The following DDX28 variants were observed in gnomAD, a reference collection of about 807,000 sequenced individuals.
DDX28 encodes probable ATP-dependent RNA helicase DDX28.
A neutral mutation model predicts 26.8 loss-of-function variants in DDX28; 25 were observed. The ratio of observed to expected loss-of-function variants is 0.93; its 90% CI spans 0.68 to 1.30. The LOEUF is 1.30. Ranked by LOEUF, DDX28 falls within the 50% of genes most tolerant of loss-of-function variation. DDX28 has a pLI of 0.00. For missense variants in DDX28, 790 were observed against 695.1 expected (o/e 1.14, Z -1.53); for synonymous variants, 370 against 311.9 (o/e 1.19, Z -1.96).
rs1250038108 is a variant in DDX28, at chr16:68,023,116, G to A, written c.87C>T (p.Pro29=). The change falls in exon 1 of 1, where the codon CCC becomes CCT. Residue 29 remains proline, a synonymous_variant. Transcript: ENST00000332395. The part of the protein sequence containing the change: ...APRRGLTVRS[P]DEPLPVVRIP... ...TGCGCACCACCGGCAGGGGTTCGTCGGGACTGCGGACCGTGAGGCCCCGTC... is the reference window on the plus strand; with the variant it reads ...TGCGCACCACCGGCAGGGGTTCGTCAGGACTGCGGACCGTGAGGCCCCGTC... 1.2e-6 allele frequency: 2 copies of A among 1,603,988 alleles called. No homozygotes were observed. Among genetic ancestry groups the A allele is most frequent in the African/African-American group, 2.7e-5 (2 of 74,922 alleles).
chr16:68,023,068 C>T lies in DDX28; in HGVS notation c.135G>A (p.Gln45=), dbSNP rs2033279521. ...GCCGCCTGCTCTGCCGCTGTTCCAA[C>T]TGCCGCTGTAGAGCCACTGGGATGC... ...VVRIPVALQR[Q]LEQRQSRRRN... is the part of the protein sequence containing the mutation. Residue 45 remains glutamine, a synonymous_variant, in exon 1 of 1, where the codon CAG becomes CAA. Transcript: ENST00000332395. The T allele has an allele frequency of 1.2e-6, 2 of 1,600,224 alleles. No individual in the cohort carries two copies. Among genetic ancestry groups the T allele is most frequent in the Non-Finnish European group, 8.5e-7 (1 of 1,179,522 alleles).
rs754371841 is a variant in DDX28, at chr16:68,022,124, C to T, written c.1079G>A (p.Cys360Tyr). 6.2e-7 allele frequency: 1 copy of T among 1,614,096 alleles called. No individual in the cohort carries two copies. The highest frequency in any genetic ancestry group is 1.3e-5 in the African/African-American group (1 of 74,932). The change falls in exon 1 of 1, where the codon TGT (cysteine) becomes TAT (tyrosine). Residue 360 changes from cysteine to tyrosine, a missense_variant. Physicochemically the swap from Cys to Tyr is radical, Grantham distance 194. Transcript: ENST00000332395. ...TGTCTGTTTCACATGAGGCATGATA[C>T]AGTGGAGCTTGGAGCTGGTGATGGT... ...VTTITSSKLH[C>Y]IMPHVKQTFL...
chr16:68,021,857 T>C lies in DDX28; in HGVS notation c.1346A>G (p.Asp449Gly). ...GGCTATGTCTGTGCAGAGAAGTATG[T>C]CTCGGGAGCTCTTCTGGAAGGACTG... ...IFQSFQKSSR[D>G]ILLCTDIASR... Residue 449 changes from aspartate (D) to glycine (G), a missense_variant, in exon 1 of 1, where the codon GAC becomes GGC. Coordinates refer to ENST00000332395, the MANE Select transcript of DDX28 (RefSeq NM_018380.4). 6.2e-7 allele frequency: 1 copy of C among 1,614,172 alleles called. No individual in the cohort carries two copies. The highest frequency in any genetic ancestry group is 8.5e-7 in the Non-Finnish European group (1 of 1,180,036).
Position 68,022,498 on chromosome 16 carries a change from C to A in DDX28, c.705G>T (p.Arg235=), listed in dbSNP as rs766522657. The part of the protein sequence containing the change: ...PLGRSLGLLV[R]DLEGGHGMRR... ...GCATGCCGTGGCCTCCCTCCAGGTC[C>A]CGCACCAGCAGGCCCAAGGAGCGGC... Residue 235 remains arginine (R), a synonymous_variant, in exon 1 of 1, where the codon CGG becomes CGT. Transcript: ENST00000332395. The A allele has an allele frequency of 3.1e-6, 5 of 1,613,792 alleles. No individual in the cohort carries two copies. The South Asian group carries it at 5.5e-5, about 18-fold the overall frequency.
In DDX28 at chr16:68,023,151, G is replaced by T. The variant is rs764262500; in HGVS notation, c.52C>A (p.Leu18Met). Residue 18 changes from leucine (L) to methionine (M), a missense_variant, in exon 1 of 1, where the codon CTG becomes ATG. Coordinates refer to ENST00000332395, the MANE Select transcript of DDX28 (RefSeq NM_018380.4). ...ACCGTGAGGCCCCGTCGCGGCGCCAGGAGCAACCGAGTCACGAGGGAAAAG... is the reference window on the plus strand; with the variant it reads ...ACCGTGAGGCCCCGTCGCGGCGCCATGAGCAACCGAGTCACGAGGGAAAAG... ...RLFSLVTRLL[L>M]APRRGLTVRS... 2 of 1,607,610 alleles carry T rather than the reference G, an allele frequency of 1.2e-6. No individual in the cohort carries two copies. The highest frequency in any genetic ancestry group is 2.7e-5 in the African/African-American group (2 of 74,928).
At position 68,022,036 on chromosome 16, in the gene DDX28, G is replaced by C; in HGVS notation, c.1167C>G (p.Asp389Glu). ...AELVHILKHRDRAERTGPSGT... is the reference protein window; with the variant it reads ...AELVHILKHRERAERTGPSGT... ...CTGAGGGACCAGTCCTTTCTGCTCT[G>C]TCACGATGCTTGAGGATGTGCACCA... The change falls in exon 1 of 1, where the codon GAC (aspartate) becomes GAG (glutamate). Residue 389 changes from aspartate to glutamate, a missense_variant. By Grantham distance (45) the Asp-to-Glu change is conservative (BLOSUM62 2). Transcript: ENST00000332395. The C allele has an allele frequency of 6.2e-7, 1 of 1,614,204 alleles. No individual in the cohort carries two copies. Among genetic ancestry groups the C allele is most frequent in the Non-Finnish European group, 8.5e-7 (1 of 1,180,040 alleles).
rs369716802 is a variant in DDX28 at position 68,022,822 on chromosome 16, G to A, written c.381C>T (p.Ser127=). Residue 127 remains serine (S), a synonymous_variant, in exon 1 of 1, where the codon AGC becomes AGT. Transcript: ENST00000332395. ...PAVRKLSSKG[S]FADLGLEPRV... Reference sequence around the variant, plus strand: ...GGGGCTCCAGGCCCAGGTCAGCAAAGCTGCCCTTAGACGAGAGCTTTCGCA... The same window carrying A: ...GGGGCTCCAGGCCCAGGTCAGCAAAACTGCCCTTAGACGAGAGCTTTCGCA... The A allele has an allele frequency of 3.6e-5, 57 of 1,578,642 alleles. No homozygotes were observed. In the Middle Eastern group the frequency reaches 5.1e-4, roughly 14 times the overall value.
Position 68,021,420 on chromosome 16 carries a change from T to C in DDX28, c.*160A>G. ...TGCTCAGCAGCTTCTTCTCCAATGC[T>C]GGCCAGCAGCGTACCTTTCCAAGTC... On this transcript the variant is annotated 3_prime_UTR_variant, in exon 1 of 1. Coordinates refer to ENST00000332395, the MANE Select transcript of DDX28 (RefSeq NM_018380.4). The C allele has an allele frequency of 1.4e-6, 1 of 708,948 alleles. No individual in the cohort carries two copies. Among genetic ancestry groups the C allele is most frequent in the East Asian group, 2.7e-5 (1 of 36,730 alleles). 43.9% of individuals were successfully genotyped at this position (708,948 alleles called of 1,614,324 possible). A position where few individuals can be genotyped will look rare whatever the true frequency, so the allele number is the denominator to read the frequency against.
In DDX28 at chr16:68,022,147, G is replaced by A. The variant is rs752931661; in HGVS notation, c.1056C>T (p.Thr352=). ...NKVASPDAVT[T]ITSSKLHCIM... ...TACAGTGGAGCTTGGAGCTGGTGAT[G>A]GTGGTGACAGCATCTGGGCTGGCGA... The change falls in exon 1 of 1, where the codon ACC becomes ACT. Residue 352 remains threonine, a synonymous_variant. Transcript: ENST00000332395. 6.2e-7 allele frequency: 1 copy of A among 1,614,202 alleles called. No individual in the cohort carries two copies. The highest frequency in any genetic ancestry group is 1.1e-5 in the South Asian group (1 of 91,076).
rs773122606 is a variant in DDX28 at position 68,022,698 on chromosome 16, C to G, written c.505G>C (p.Val169Leu). Residue 169 changes from valine (V) to leucine (L), a missense_variant, in exon 1 of 1, where the codon GTT becomes CTT. Physicochemically the swap from Val to Leu is conservative, Grantham distance 32. Transcript: ENST00000332395. ...CCACTGCCGGTTTCTGCGGCGCAAA[C>G]GACATGGCGGCCGCGAAGTAGTGAG... is the stretch of plus-strand genomic sequence containing the variant. ...IPSLLRGRHV[V>L]CAAETGSGKT... 1 of 1,613,308 alleles carries G rather than the reference C, an allele frequency of 6.2e-7. No individual in the cohort carries two copies. Among genetic ancestry groups the G allele is most frequent in the Admixed American group, 1.7e-5 (1 of 60,012 alleles).
In DDX28 at chr16:68,022,562, T is replaced by C; in HGVS notation, c.641A>G (p.Glu214Gly). 1 of 1,613,930 alleles carries C rather than the reference T, an allele frequency of 6.2e-7. No homozygotes were observed. Among genetic ancestry groups the C allele is most frequent in the Non-Finnish European group, 8.5e-7 (1 of 1,180,004 alleles). ...CACAGCCCGCACCTGTTGGGCCAAT[T>C]CTCGGGAAGGAACAAGGACCAGGCC... ...PRGLVLVPSR[E>G]LAQQVRAVAQ... Residue 214 changes from glutamate (E) to glycine (G), a missense_variant, in exon 1 of 1, where the codon GAA becomes GGA. Transcript: ENST00000332395.
In DDX28 at chr16:68,023,135, C is replaced by T. The variant is rs1428805510; in HGVS notation, c.68G>A (p.Gly23Asp). The T allele has an allele frequency of 6.2e-7, 1 of 1,605,750 alleles. No homozygotes were observed. The highest frequency in any genetic ancestry group is 1.1e-5 in the South Asian group (1 of 91,052). The change falls in exon 1 of 1, where the codon GGC (glycine) becomes GAC (aspartate). Residue 23 changes from glycine to aspartate, a missense_variant. Gly to Asp is a moderately conservative substitution (Grantham distance 94). Coordinates refer to ENST00000332395, the MANE Select transcript of DDX28 (RefSeq NM_018380.4). ...VTRLLLAPRRGLTVRSPDEPL... is the reference protein window; with the variant it reads ...VTRLLLAPRRDLTVRSPDEPL... ...TTCGTCGGGACTGCGGACCGTGAGG[C>T]CCCGTCGCGGCGCCAGGAGCAACCG... is the stretch of plus-strand genomic sequence containing the variant.
chr16:68,021,497 C>A lies in DDX28; in HGVS notation c.*83G>T. Reference sequence around the variant, plus strand: ...GAGCCGACAGGGCAGCCCAGAGCCTCCCACTGACAAGTGTGGTCACCCACT... The same window carrying A: ...GAGCCGACAGGGCAGCCCAGAGCCTACCACTGACAAGTGTGGTCACCCACT... On this transcript the variant is annotated 3_prime_UTR_variant, in exon 1 of 1. Coordinates refer to ENST00000332395, the MANE Select transcript of DDX28 (RefSeq NM_018380.4). 1 of 1,475,642 alleles carries A rather than the reference C, an allele frequency of 6.8e-7. No individual in the cohort carries two copies. The highest frequency in any genetic ancestry group is 9.2e-7 in the Non-Finnish European group (1 of 1,086,846). The allele number at this position is 1,475,642 out of a possible 1,614,324, so 91.4% of individuals were successfully genotyped here. A position where few individuals can be genotyped will look rare whatever the true frequency, so the allele number is the denominator to read the frequency against.
Position 68,022,764 on chromosome 16 carries a change from C to A in DDX28, c.439G>T (p.Glu147Ter). The A allele has an allele frequency of 6.2e-7, 1 of 1,611,524 alleles. No individual in the cohort carries two copies. The highest frequency in any genetic ancestry group is 1.1e-5 in the South Asian group (1 of 90,922). The change falls in exon 1 of 1, where the codon GAA becomes TAA. Residue 147 changes from glutamate (E) to a stop codon, truncating the protein, a stop_gained. Transcript: ENST00000332395. LOFTEE classifies it high-confidence loss of function. ...VLHALQEAAP[E>*]VVQPTTVQSS... Reference sequence around the variant, plus strand: ...TGCACGGTTGTGGGCTGAACGACTTCAGGCGCAGCCTCCTGTAGTGCGTGC... The same window carrying A: ...TGCACGGTTGTGGGCTGAACGACTTAAGGCGCAGCCTCCTGTAGTGCGTGC...
Position 68,021,512 on chromosome 16 carries a change from G to C in DDX28, c.*68C>G. 1 of 1,531,698 alleles carries C rather than the reference G, an allele frequency of 6.5e-7. No individual in the cohort carries two copies. The allele number at this position is 1,531,698 out of a possible 1,614,324, so 94.9% of individuals were successfully genotyped here. ...CCCAGAGCCTCCCACTGACAAGTGTGGTCACCCACTCAAGATACTGGGAAA... is the reference window on the plus strand; with the variant it reads ...CCCAGAGCCTCCCACTGACAAGTGTCGTCACCCACTCAAGATACTGGGAAA... On this transcript the variant is annotated 3_prime_UTR_variant, in exon 1 of 1. Coordinates refer to ENST00000332395, the MANE Select transcript of DDX28 (RefSeq NM_018380.4).
Position 68,022,796 on chromosome 16 carries a change from C to G in DDX28, c.407G>C (p.Arg136Pro). ...AGCCTCCTGTAGTGCGTGCAGCACA[C>G]GGGGCTCCAGGCCCAGGTCAGCAAA... ...GSFADLGLEP[R>P]VLHALQEAAP... The change falls in exon 1 of 1, where the codon CGT becomes CCT. Residue 136 changes from arginine to proline, a missense_variant. Coordinates refer to ENST00000332395, the MANE Select transcript of DDX28 (RefSeq NM_018380.4). 1 of 1,591,772 alleles carries G rather than the reference C, an allele frequency of 6.3e-7. No individual in the cohort carries two copies. Among genetic ancestry groups the G allele is most frequent in the Non-Finnish European group, 8.6e-7 (1 of 1,168,388 alleles).
In DDX28 at chr16:68,022,432, A is replaced by G. The variant is rs1325133368; in HGVS notation, c.771T>C (p.Asp257=). ...GAGCCCCTGGAGTGGCCACAAGCAC[A>G]TCTGCTGAAGGCTGTCTGGACAGCT... The part of the protein sequence containing the change: ...RLQLSRQPSA[D]VLVATPGALW... Residue 257 remains aspartate, a synonymous_variant, in exon 1 of 1, where the codon GAT becomes GAC. Transcript: ENST00000332395. 1 of 1,614,050 alleles carries G rather than the reference A, an allele frequency of 6.2e-7. No individual in the cohort carries two copies. Among genetic ancestry groups the G allele is most frequent in the South Asian group, 1.1e-5 (1 of 91,084 alleles).
Position 68,022,200 on chromosome 16 carries a change from C to A in DDX28, c.1003G>T (p.Glu335Ter). ...TTATTCAGCAACTGGCCTACACCTT[C>A]GGGAAATGTGGCTCCTACCAGCACT... ...QLVLVGATFP[E>*]GVGQLLNKVA... The change falls in exon 1 of 1, where the codon GAA (glutamate) becomes TAA (stop). Residue 335 changes from glutamate (E) to a stop codon, truncating the protein, a stop_gained. Coordinates refer to ENST00000332395, the MANE Select transcript of DDX28 (RefSeq NM_018380.4). LOFTEE classifies it high-confidence loss of function. 1 of 1,614,204 alleles carries A rather than the reference C, an allele frequency of 6.2e-7. No individual in the cohort carries two copies. Among genetic ancestry groups the A allele is most frequent in the African/African-American group, 1.3e-5 (1 of 75,040 alleles).
chr16:68,022,568 GAAGGAACAAGGACCA>G lies in DDX28; in HGVS notation c.620_634del (p.Leu207_Ser212delinsPro), dbSNP rs944466533. ...CCGCACCTGTTGGGCCAATTCTCGGGAAGGAACAAGGACCAGGCCTCGGGGCGCGGGGATAGGAAG... is the reference window on the plus strand; with the variant it reads ...CCGCACCTGTTGGGCCAATTCTCGGGGGCCTCGGGGCGCGGGGATAGGAAG... On this transcript the variant is annotated inframe_deletion, in exon 1 of 1. Transcript: ENST00000332395. The G allele has an allele frequency of 1.2e-6, 2 of 1,614,042 alleles. No individual in the cohort carries two copies. The highest frequency in any genetic ancestry group is 3.3e-5 in the Admixed American group (2 of 60,034).
Sources: gnomAD v4.1 joint callset for allele counts on GRCh38, gnomAD v4.1.1 for gene constraint, MANE v1.5 for transcripts, NCBI Gene and HGNC (gene_info 2026-07-23, HGNC 2026-07-21) for gene names.